Variants in C1orf141 observed in about 807,000 individuals in gnomAD.
C1orf141 encodes uncharacterized protein C1orf141.
C1orf141 carries 19 observed loss-of-function variants against 23.2 expected under a neutral mutation model. The observed-to-expected ratio is 0.82, with a 90% CI of 0.57 to 1.20. C1orf141 has a LOEUF of 1.20. Among genes scored for constraint, C1orf141 ranks in the 50% most tolerant of loss-of-function variants. The pLI is 0.00. For missense variants in C1orf141, 469 were observed against 455.1 expected (o/e 1.03, Z -0.28); for synonymous variants, 153 against 154.6 (o/e 0.99, Z 0.08).
At chr1:67,101,934 T>C (rs1645809660) in intron 5 of C1orf141, among the ~76,000 whole-genome samples, 1 of 152,162 alleles carries the variant, frequency 6.6e-6, no homozygotes, top group Non-Finnish European at 1.5e-5. Context: ...AGGGATAATG[T>C]AGTAAACAGA....
At chr1:67,132,875 G>A (rs1458517518) in intron 1 of C1orf141, among the ~76,000 whole-genome samples, 5 of 152,150 alleles carry the variant, frequency 3.3e-5, no homozygotes, top group Non-Finnish European at 7.4e-5. Flanking sequence ...TAGCACAGTA[G>A]TGACAGTTTT....
chr1:67,103,489 T>C (rs1645852295), intron 5 of C1orf141: 2 of 571,436 alleles, frequency 3.5e-6, no homozygotes, highest in Middle Eastern at 4.5e-4. Context: ...TGAATTATGA[T>C]AACTAACAGC....
At chr1:67,112,361 A>G (rs746326886) in intron 5 of C1orf141, among the ~76,000 whole-genome samples, 2 of 152,174 alleles carry the variant, frequency 1.3e-5, no homozygotes, top group African/African-American at 2.4e-5. Flanking sequence ...CTCCTGCCCA[A>G]TGATGCATAC....
intron 5 of C1orf141, chr1:67,103,384 TA>T: frequency 7.3e-7 from 1 of 1,363,072 alleles, no homozygotes; most frequent in Non-Finnish European, 9.6e-7. Context: ...ATTTTCCATC[TA>T]AACATCAGGA....
chr1:67,133,792 C>T (rs1646552369), intron 1 of C1orf141, among the ~76,000 whole-genome samples: 1 of 152,108 alleles, frequency 6.6e-6, no homozygotes, highest in African/African-American at 2.4e-5. Flanking sequence ...GGAGCGAGGC[C>T]TCTGAAGAAA....
At chr1:67,123,494 T>A (rs1427668429) in intron 4 of C1orf141, 1 of 152,162 alleles carries the variant, frequency 6.6e-6, no homozygotes, top group Non-Finnish European at 1.5e-5. Flanking sequence ...ATATAAAATT[T>A]TTTTATTTGG....
intron 4 of C1orf141, among the ~76,000 whole-genome samples, chr1:67,119,301 T>C (rs749218342): frequency 3.3e-5 from 5 of 152,220 alleles, no homozygotes; most frequent in Admixed American, 6.5e-5. Context: ...GTGCTTGTTA[T>C]AAAATGTCAA....
chr1:67,128,612 G>A (rs930893254), intron 2 of C1orf141, among the ~76,000 whole-genome samples: 1 of 151,930 alleles, frequency 6.6e-6, no homozygotes, highest in African/African-American at 2.4e-5. Context: ...GCTGAGGAGG[G>A]ATCGCTTGAA....
chr1:67,103,225 G>A lies in C1orf141; in HGVS notation c.347-6904C>T. On this transcript the variant is annotated intron_variant, in intron 5 of 7. Transcript: ENST00000684719. ...CTTTCAGTTATTTCAATGTAAACAT[G>A]CAATTTGTATACCTGTAAATAAAGT... 4 of 1,356,864 alleles carry A rather than the reference G, an allele frequency of 2.9e-6. No homozygotes were observed. The South Asian group carries it at 6.8e-5, about 23-fold the overall frequency. The allele number at this position is 1,356,864 out of a possible 1,614,324, so 84.1% of individuals were successfully genotyped here.
chr1:67,119,366 C>T (rs978166698), intron 4 of C1orf141, among the ~76,000 whole-genome samples: 2 of 152,126 alleles, frequency 1.3e-5, no homozygotes, highest in African/African-American at 4.8e-5. Flanking sequence ...GCAGAACTTG[C>T]AGGCAATGAA....
intron 5 of C1orf141, chr1:67,103,104 G>T (rs112097706): frequency 4.0e-5 from 19 of 479,248 alleles, no homozygotes; most frequent in African/African-American, 2.8e-4. Flanking sequence ...AGAAAAGAAG[G>T]CTGGAGAAAG....
At chr1:67,110,525 A>G (rs1445758540) in intron 5 of C1orf141, among the ~76,000 whole-genome samples, 2 of 152,160 alleles carry the variant, frequency 1.3e-5, no homozygotes, top group Admixed American at 1.3e-4. Context: ...CAAAAAGGTT[A>G]AACTTGGTTG....
intron 4 of C1orf141, among the ~76,000 whole-genome samples, chr1:67,121,194 G>A (rs1646292044): frequency 6.6e-6 from 1 of 152,128 alleles, no homozygotes; most frequent in African/African-American, 2.4e-5. Flanking sequence ...GTTTTAATGT[G>A]GAATTTTACT....
At chr1:67,116,802 A>G (rs946264557) in intron 4 of C1orf141, among the ~76,000 whole-genome samples, 2 of 152,234 alleles carry the variant, frequency 1.3e-5, no homozygotes, top group Admixed American at 6.5e-5. Flanking sequence ...TCTCCCCACA[A>G]GGGGTTGACG....
intron 1 of C1orf141, among the ~76,000 whole-genome samples, chr1:67,140,336 A>G (rs1646625084): frequency 6.6e-6 from 1 of 152,254 alleles, no homozygotes; most frequent in South Asian, 2.1e-4. Flanking sequence ...GGAAATGTGT[A>G]TAAACAAAGA....
chr1:67,105,509 T>A (rs1339128563), intron 5 of C1orf141, among the ~76,000 whole-genome samples: 1 of 151,942 alleles, frequency 6.6e-6, no homozygotes. Flanking sequence ...CAGGAAAATA[T>A]AATAAAAATA....
chr1:67,113,912 AG>A (rs550998674), intron 5 of C1orf141, among the ~76,000 whole-genome samples: 5 of 152,236 alleles, frequency 3.3e-5, no homozygotes, highest in Admixed American at 6.5e-5. Context: ...AAAGATGATA[AG>A]GGATCCCTGG....
intron 5 of C1orf141, chr1:67,113,841 G>T: frequency 2.1e-6 from 1 of 476,306 alleles, no homozygotes; most frequent in Non-Finnish European, 3.9e-6. Flanking sequence ...CCCTCCTGCT[G>T]AAAACACCTT....
chr1:67,095,718 C>T (rs1312099907), intron 6 of C1orf141: 2 of 239,886 alleles, frequency 8.3e-6, no homozygotes, highest in Non-Finnish European at 1.6e-5. Context: ...TTGCAACGTC[C>T]TATGTTGAAA....
Sources: allele counts gnomAD v4.1 joint callset (sites outside exome capture counted in the v4.1 genomes callset), GRCh38; gene constraint gnomAD v4.1.1; transcripts MANE v1.5; gene names NCBI Gene and HGNC (gene_info 2026-07-23, HGNC 2026-07-21).